PTPRG: variants seen among roughly 807,000 people sequenced by gnomAD.
PTPRG encodes receptor-type tyrosine-protein phosphatase gamma.
PTPRG carries 102 observed loss-of-function variants against 165.3 expected under a neutral mutation model. That is an observed-to-expected ratio of 0.62 (90% CI 0.53 to 0.73). PTPRG has a LOEUF of 0.73. Ranked by LOEUF, PTPRG falls within the 30% of genes least tolerant of loss-of-function variation. PTPRG has a pLI of 0.00. For synonymous variants in PTPRG, 675 were observed against 669.5 expected (o/e 1.01, Z -0.13); for missense variants, 1,866 against 1,861.4 (o/e 1.00, Z -0.05).
intron 1 of PTPRG, among the ~76,000 whole-genome samples, chr3:61,647,269 A>ATTT (rs1702223923): frequency 6.6e-6 from 1 of 152,192 alleles, no homozygotes; most frequent in Non-Finnish European, 1.5e-5. Context: ...ACCGTCTTTC[A>ATTT]CACCATTATC....
intron 4 of PTPRG, among the ~76,000 whole-genome samples, chr3:62,062,574 C>G (rs1029300182): frequency 2.6e-5 from 4 of 152,144 alleles, no homozygotes; most frequent in Admixed American, 1.3e-4. Context: ...ACCAGTTCAA[C>G]AGAGACATCT....
chr3:62,052,200 C>T (rs549730564), intron 4 of PTPRG, among the ~76,000 whole-genome samples: 31 of 152,262 alleles, frequency 2.0e-4, no homozygotes, highest in East Asian at 1.2e-3. Flanking sequence ...AAGATTAGCA[C>T]GATACTTTAA....
intron 1 of PTPRG, among the ~76,000 whole-genome samples, chr3:61,686,972 A>G (rs1411974246): frequency 6.6e-6 from 1 of 152,218 alleles, no homozygotes; most frequent in Non-Finnish European, 1.5e-5. Context: ...TTTGATTTAT[A>G]GAATATATAC....
intron 1 of PTPRG, among the ~76,000 whole-genome samples, chr3:61,569,574 TTCCCAAAGTGC>T (rs567623121): frequency 6.6e-6 from 1 of 152,276 alleles, no homozygotes; most frequent in South Asian, 2.1e-4. Context: ...CTACCTCAAC[TTCCCAAAGTGC>T]TAGGATTACA....
At chr3:61,870,120 A>G (rs2037524559) in intron 2 of PTPRG, among the ~76,000 whole-genome samples, 1 of 151,522 alleles carries the variant, frequency 6.6e-6, no homozygotes, top group South Asian at 2.1e-4. Flanking sequence ...GGAGGACACA[A>G]ACATTTAGTC....
chr3:61,730,932 C>G (rs1420178013), intron 1 of PTPRG, among the ~76,000 whole-genome samples: 1 of 152,192 alleles, frequency 6.6e-6, no homozygotes, highest in Non-Finnish European at 1.5e-5. Context: ...CTATGCTTTT[C>G]AGAAATAGTA....
intron 2 of PTPRG, among the ~76,000 whole-genome samples, chr3:61,919,974 A>G (rs1046680244): frequency 2.0e-5 from 3 of 152,194 alleles, no homozygotes; most frequent in African/African-American, 7.2e-5. Flanking sequence ...TCATTATATG[A>G]TGGTATCCAG....
intron 2 of PTPRG, among the ~76,000 whole-genome samples, chr3:61,756,808 T>A (rs1382288036): frequency 6.6e-6 from 1 of 152,174 alleles, no homozygotes; most frequent in Non-Finnish European, 1.5e-5. Context: ...AGATTTCAAT[T>A]GTTGCTGTGA....
At chr3:62,239,954 A>G (rs1001599744) in intron 14 of PTPRG, among the ~76,000 whole-genome samples, 1 of 152,126 alleles carries the variant, frequency 6.6e-6, no homozygotes, top group Non-Finnish European at 1.5e-5. Flanking sequence ...ATGCAAAGGG[A>G]CCATCTTCAT....
intron 4 of PTPRG, among the ~76,000 whole-genome samples, chr3:62,057,083 G>A (rs987751195): frequency 2.0e-5 from 3 of 152,184 alleles, no homozygotes; most frequent in Non-Finnish European, 4.4e-5. Flanking sequence ...CCAGAGAAAG[G>A]CAAATGACTC....
Position 62,015,506 on chromosome 3 carries a change from C to CA in PTPRG, c.519+12017dup, listed in dbSNP as rs1050264927. 1.2e-3 allele frequency among the ~76,000 whole-genome samples: 180 copies of CA among 152,154 alleles called. 1 individual carries two copies. The highest frequency in any genetic ancestry group is 4.0e-3 in the African/African-American group (168 of 41,512). Reference sequence around the variant, plus strand: ...ATATTTTTTAACATTTTATTTTAAACAAAAAAAATTTTTTTTTACAACCCA... The same window carrying CA: ...ATATTTTTTAACATTTTATTTTAAACAAAAAAAAATTTTTTTTTACAACCCA... On this transcript the variant is annotated intron_variant, in intron 4 of 29. Transcript: ENST00000474889.
At chr3:61,643,705 G>A (rs539472101) in intron 1 of PTPRG, among the ~76,000 whole-genome samples, 1 of 152,050 alleles carries the variant, frequency 6.6e-6, no homozygotes, top group Non-Finnish European at 1.5e-5. Flanking sequence ...AGAGGTTGCA[G>A]GTGAGCTGAA....
intron 2 of PTPRG, among the ~76,000 whole-genome samples, chr3:61,859,917 T>C (rs1003717989): frequency 1.3e-5 from 2 of 152,224 alleles, no homozygotes; most frequent in African/African-American, 4.8e-5. Flanking sequence ...CCATGGCACA[T>C]AGATGCTCAG....
chr3:61,742,953 G>C (rs962389662), intron 1 of PTPRG: 25 of 1,478,936 alleles, frequency 1.7e-5, no homozygotes, highest in Non-Finnish European at 2.3e-5. Context: ...TAAGTCTGAC[G>C]GTGCCCGAGA....
intron 1 of PTPRG, among the ~76,000 whole-genome samples, chr3:61,677,211 C>T (rs1415849491): frequency 6.8e-6 from 1 of 146,414 alleles, no homozygotes; most frequent in East Asian, 2.0e-4. Flanking sequence ...CACCACTGCA[C>T]TCCAGCGTGG....
At chr3:62,080,315 A>C (rs946566387) in intron 5 of PTPRG, among the ~76,000 whole-genome samples, 12 of 151,334 alleles carry the variant, frequency 7.9e-5, no homozygotes, top group Admixed American at 7.2e-4. Context: ...ACCTCACGTG[A>C]TCCGCCTGCC....
chr3:61,809,224 A>C (rs982058648), intron 2 of PTPRG, among the ~76,000 whole-genome samples: 6 of 151,810 alleles, frequency 4.0e-5, no homozygotes, highest in Admixed American at 2.6e-4. Context: ...TGCCTTAGTC[A>C]AGAGCTTGCA....
rs536903329 is a variant in PTPRG at position 62,240,267 on chromosome 3, G to A, written c.2376-3540G>A. Reference sequence around the variant, plus strand: ...TGAGAATCGCCCGAACCTGGGAGGCGGAGGTTGCAGTGAGCTGAGATCGTG... The same window carrying A: ...TGAGAATCGCCCGAACCTGGGAGGCAGAGGTTGCAGTGAGCTGAGATCGTG... On this transcript the variant is annotated intron_variant, in intron 14 of 29. Transcript: ENST00000474889. The surrounding 1 kb of genome is among the most constrained non-coding windows in gnomAD (Gnocchi z 5.1). 3.3e-5 allele frequency among the ~76,000 whole-genome samples: 5 copies of A among 152,228 alleles called. No individual in the cohort carries two copies. The highest frequency in any genetic ancestry group is 2.1e-4 in the South Asian group (1 of 4,820).
At chr3:61,783,816 C>T (rs1045879269) in intron 2 of PTPRG, among the ~76,000 whole-genome samples, 5 of 152,068 alleles carry the variant, frequency 3.3e-5, no homozygotes, top group African/African-American at 4.8e-5. Context: ...GGTTGCATAT[C>T]GGGGCCTTGT....
Sources: gnomAD v4.1 joint callset for allele counts (sites outside exome capture counted in the v4.1 genomes callset) on GRCh38, gnomAD v4.1.1 for gene constraint, Gnocchi (gnomAD v3.1) non-coding constraint, MANE v1.5 for transcripts, NCBI Gene and HGNC (gene_info 2026-07-23, HGNC 2026-07-21) for gene names.